The following FAM149B1 variants were observed in gnomAD, a reference collection of about 807,000 sequenced individuals.
The protein encoded by FAM149B1 is primary cilium assembly protein FAM149B1.
FAM149B1 carries 56 observed loss-of-function variants against 75.3 expected under a neutral mutation model. The ratio of observed to expected loss-of-function variants is 0.74; its 90% CI spans 0.60 to 0.93. FAM149B1 has a LOEUF of 0.93. Ranked by LOEUF, FAM149B1 falls within the 40% of genes least tolerant of loss-of-function variation. The probability of loss-of-function intolerance (pLI) is 0.00; values close to 1 mark genes in which losing one functional copy is unlikely to be tolerated. For synonymous variants in FAM149B1, 259 were observed against 256.1 expected, an observed-to-expected ratio of 1.01 and a Z score of -0.11; for missense variants, 639 against 708.4, an observed-to-expected ratio of 0.90 and a Z score of 1.11.
chr10:73,233,379 C>A (rs750606473), intron 10 of FAM149B1, among the ~76,000 whole-genome samples: 1 of 152,138 alleles, frequency 6.6e-6, no homozygotes. Context: ...TCACTCCTGT[C>A]GCCCAGGCTG....
intron 7 of FAM149B1, among the ~76,000 whole-genome samples, chr10:73,224,557 C>T (rs1459586973): frequency 6.7e-6 from 1 of 149,368 alleles, no homozygotes; most frequent in Non-Finnish European, 1.5e-5. Context: ...CTGCAAGCTC[C>T]GCCTCCTGGG....
chr10:73,237,004 T>C (rs1026514231), intron 12 of FAM149B1, among the ~76,000 whole-genome samples: 7 of 151,936 alleles, frequency 4.6e-5, no homozygotes, highest in African/African-American at 1.7e-4. Context: ...ATGAGCCACA[T>C]GCCCAGCCTG....
chr10:73,236,613 C>T (rs1057426249), intron 12 of FAM149B1, among the ~76,000 whole-genome samples: 1 of 151,766 alleles, frequency 6.6e-6, no homozygotes, highest in African/African-American at 2.4e-5. Flanking sequence ...GGGGTTTTGC[C>T]ATCTTGGCCA....
chr10:73,232,589 CCT>C (rs1342991340), intron 9 of FAM149B1, among the ~76,000 whole-genome samples: 15 of 152,170 alleles, frequency 9.9e-5, no homozygotes, highest in Non-Finnish European at 1.6e-4. Flanking sequence ...GGAATCAGCC[CCT>C]GTGGCAAATT....
intron 12 of FAM149B1, among the ~76,000 whole-genome samples, chr10:73,237,313 C>T (rs1226535767): frequency 6.6e-6 from 1 of 152,104 alleles, no homozygotes. Flanking sequence ...TCAGTGTGAA[C>T]CCCAGAAAGT....
chr10:73,228,030 A>T (rs2043595351), intron 7 of FAM149B1, 30 bp from the exon 8 acceptor site: 3 of 1,549,422 alleles, frequency 1.9e-6, no homozygotes, highest in Non-Finnish European at 2.6e-6. Flanking sequence ...AAGATTATCC[A>T]TGGATAATAT....
At chr10:73,203,664 G>C (rs1194463824) in intron 5 of FAM149B1, among the ~76,000 whole-genome samples, 1 of 148,340 alleles carries the variant, frequency 6.7e-6, no homozygotes, top group Admixed American at 6.7e-5. Context: ...TTTTGAGATA[G>C]GGTCTCACTC....
At chr10:73,172,006 CT>C (rs1218493064) in intron 1 of FAM149B1, among the ~76,000 whole-genome samples, 1 of 152,098 alleles carries the variant, frequency 6.6e-6, no homozygotes. Context: ...CATTTCACCC[CT>C]ATATATGTCA....
At chr10:73,177,506 C>T (rs976942873) in intron 2 of FAM149B1, among the ~76,000 whole-genome samples, 7 of 151,286 alleles carry the variant, frequency 4.6e-5, no homozygotes, top group South Asian at 2.1e-4. Flanking sequence ...TCCAGGAGGC[C>T]GAGGTTGCAA....
chr10:73,174,693 A>C lies in FAM149B1; in HGVS notation c.54A>C (p.Gly18=), dbSNP rs1279015177. Residue 18 remains glycine, a synonymous_variant, in exon 2 of 14, where the codon GGA becomes GGC. Transcript: ENST00000242505. The part of the protein sequence containing the change: ...KAVPQSLELK[G]ITKHALNHHP... ...TTTGTTTTGTCTTTCACAGGAAAGG[A>C]ATAACAAAACATGCTCTTAACCATC... 2 of 1,548,040 alleles carry C rather than the reference A, an allele frequency of 1.3e-6. No homozygotes were observed. The highest frequency in any genetic ancestry group is 1.2e-5 in the South Asian group (1 of 83,938).
intron 3 of FAM149B1, among the ~76,000 whole-genome samples, chr10:73,179,119 C>T (rs972173579): frequency 6.6e-6 from 1 of 152,068 alleles, no homozygotes; most frequent in Non-Finnish European, 1.5e-5. Context: ...CGTGCACCAC[C>T]ATGGCCAGCT....
At chr10:73,222,884 A>C (rs2043450205) in intron 7 of FAM149B1, among the ~76,000 whole-genome samples, 1 of 152,224 alleles carries the variant, frequency 6.6e-6, no homozygotes, top group African/African-American at 2.4e-5. Context: ...TTTTTATTGA[A>C]GTGTAATATA....
chr10:73,215,457 A>G (rs777178635), intron 7 of FAM149B1, among the ~76,000 whole-genome samples: 1 of 152,150 alleles, frequency 6.6e-6, no homozygotes, highest in Non-Finnish European at 1.5e-5. Flanking sequence ...CCTGGCCTCA[A>G]GCGATTCTCC....
intron 7 of FAM149B1, among the ~76,000 whole-genome samples, chr10:73,215,903 C>G (rs2043288058): frequency 6.6e-6 from 1 of 152,320 alleles, no homozygotes; most frequent in African/African-American, 2.4e-5. Context: ...GTAGACCGTT[C>G]TGTAAATGTT....
At chr10:73,189,500 C>T (rs1315663597) in intron 3 of FAM149B1, among the ~76,000 whole-genome samples, 1 of 152,080 alleles carries the variant, frequency 6.6e-6, no homozygotes, top group African/African-American at 2.4e-5. Flanking sequence ...CATAAACGTC[C>T]CTTAACAGGG....
At chr10:73,176,615 A>G (rs1843975083) in intron 2 of FAM149B1, among the ~76,000 whole-genome samples, 1 of 152,188 alleles carries the variant, frequency 6.6e-6, no homozygotes, top group Non-Finnish European at 1.5e-5. Context: ...GCCGGGCGTG[A>G]TGGCTCACAT....
intron 3 of FAM149B1, chr10:73,192,199 C>CTTTTTTTTTTTTTT (rs35023018): frequency 8.8e-6 from 1 of 113,262 alleles, no homozygotes; most frequent in African/African-American, 4.3e-5. Context: ...CACGCCTGGC[C>CTTTTTTTTTTTTTT]TTTTTTTTTT....
intron 5 of FAM149B1, among the ~76,000 whole-genome samples, chr10:73,206,338 A>G (rs1351611660): frequency 2.0e-5 from 3 of 152,218 alleles, no homozygotes; most frequent in Admixed American, 2.0e-4. Context: ...AATGACTTAA[A>G]GTTGGAATTT....
At chr10:73,198,265 A>G (rs188235629) in intron 5 of FAM149B1, among the ~76,000 whole-genome samples, 50 of 152,352 alleles carry the variant, frequency 3.3e-4, no homozygotes, top group Non-Finnish European at 6.5e-4. Context: ...AGAATAAAAC[A>G]TAGGGTAAAG....
Sources: allele counts gnomAD v4.1 joint callset (sites outside exome capture counted in the v4.1 genomes callset), GRCh38; gene constraint gnomAD v4.1.1; transcripts MANE v1.5; gene names NCBI Gene and HGNC (gene_info 2026-07-23, HGNC 2026-07-21).